The following ACVRL1 variants were observed in gnomAD, a reference collection of about 807,000 sequenced individuals.
ACVRL1 encodes the protein activin A receptor like type 1, also known as activin receptor type-1-like.
A neutral mutation model predicts 51.9 loss-of-function variants in ACVRL1; 20 were observed. The observed-to-expected ratio is 0.39, with a 90% CI of 0.27 to 0.56. ACVRL1 has a LOEUF of 0.56. ACVRL1 is among the 20% of genes least tolerant of loss of function. The pLI is 0.67. For synonymous variants in ACVRL1, 288 were observed against 280.9 expected (o/e 1.03, Z -0.25); for missense variants, 451 against 670.3 (o/e 0.67, Z 3.61).
Position 51,918,690 on chromosome 12 carries a change from G to A in ACVRL1, c.1247-295G>A, listed in dbSNP as rs964224828. On this transcript the variant is annotated intron_variant, in intron 8 of 9. Transcript: ENST00000388922. ...TCTCTGAGCATCAGTTTCTTCATCT[G>A]TAAAATGGAGGTAATACTAGTACCC... 4.6e-5 allele frequency among the ~76,000 whole-genome samples: 7 copies of A among 152,332 alleles called. 2 individuals carry two copies. The highest frequency in any genetic ancestry group is 4.6e-4 in the Admixed American group (7 of 15,300).
chr12:51,913,043 G>A, intron 2 of ACVRL1, 56 bp from the exon 3 acceptor site: 19 of 1,577,776 alleles, frequency 1.2e-5, no homozygotes, highest in Non-Finnish European at 1.6e-5. Context: ...ATGGGTGTCG[G>A]GCTCAGCCTG....
Position 51,914,693 on chromosome 12 carries a change from C to A in ACVRL1, c.772+108C>A, listed in dbSNP as rs528493079. On this transcript the variant is annotated intron_variant, in intron 6 of 9. Coordinates refer to ENST00000388922, the MANE Select transcript of ACVRL1 (RefSeq NM_000020.3). ...AACAGAACCCTGAAGGACTCTCAGCCCACCTGCAGCATCAACCTCTTTTTT... is the reference window on the plus strand; with the variant it reads ...AACAGAACCCTGAAGGACTCTCAGCACACCTGCAGCATCAACCTCTTTTTT... 107 of 931,764 alleles carry A rather than the reference C, an allele frequency of 1.1e-4. No homozygotes were observed. The African/African-American group carries it at 1.6e-3, about 14-fold the overall frequency. 57.7% of individuals were successfully genotyped at this position (931,764 alleles called of 1,614,324 possible). A position where few individuals can be genotyped will look rare whatever the true frequency, so the allele number is the denominator to read the frequency against.
intron 8 of ACVRL1, among the ~76,000 whole-genome samples, chr12:51,916,737 G>A (rs1940848548): frequency 6.6e-6 from 1 of 152,230 alleles, no homozygotes; most frequent in East Asian, 1.9e-4. Flanking sequence ...ACTTTGGGAG[G>A]CCGAGGCAGG....
In ACVRL1 at chr12:51,907,596, C is replaced by G. The variant is rs1592218496; in HGVS notation, c.-105C>G. ...GGGCCGCGCCCGGACCCCAGCCCGC[C>G]GTCCAGCGCTGGCGGTGCAACTGCG... On this transcript the variant is annotated 5_prime_UTR_variant, in exon 1 of 10. Transcript: ENST00000388922. The surrounding 1 kb of genome is among the most constrained non-coding windows in gnomAD (Gnocchi z 4.5). 1 of 152,040 alleles carries G rather than the reference C, an allele frequency of 6.6e-6. No homozygotes were observed. The highest frequency in any genetic ancestry group is 2.4e-5 in the African/African-American group (1 of 41,436). The allele number at this position is 152,040 out of a possible 1,614,324, so 9.4% of individuals were successfully genotyped here.
intron 9 of ACVRL1, among the ~76,000 whole-genome samples, chr12:51,919,910 C>T (rs1238068590): frequency 1.3e-5 from 2 of 152,216 alleles, no homozygotes; most frequent in Non-Finnish European, 2.9e-5. Flanking sequence ...GTGTCTTTTG[C>T]TCACCCTTAT....
chr12:51,916,610 A>G (rs1940846320), intron 8 of ACVRL1, among the ~76,000 whole-genome samples: 1 of 152,232 alleles, frequency 6.6e-6, no homozygotes, highest in Non-Finnish European at 1.5e-5. Context: ...TTGGAATCAG[A>G]CTTCCTGGGT....
intron 1 of ACVRL1, among the ~76,000 whole-genome samples, chr12:51,909,996 T>A (rs1480664567): frequency 6.6e-6 from 1 of 152,242 alleles, no homozygotes; most frequent in Non-Finnish European, 1.5e-5. Flanking sequence ...CCCAGGAGTC[T>A]GTCTGTGCTA....
In ACVRL1 at chr12:51,907,581, C is replaced by G. The variant is rs1275324005; in HGVS notation, c.-120C>G. Reference sequence around the variant, plus strand: ...CTCCAGCCCGGTCCGGGGCCGCGCCCGGACCCCAGCCCGCCGTCCAGCGCT... The same window carrying G: ...CTCCAGCCCGGTCCGGGGCCGCGCCGGGACCCCAGCCCGCCGTCCAGCGCT... On this transcript the variant is annotated 5_prime_UTR_variant, in exon 1 of 10. Transcript: ENST00000388922. This position sits in a 1 kb window ranked among gnomAD's most constrained non-coding sequence, Gnocchi z 4.5. The G allele has an allele frequency of 6.6e-6, 1 of 151,988 alleles. No homozygotes were observed. 9.4% of individuals were successfully genotyped at this position (151,988 alleles called of 1,614,324 possible). A position where few individuals can be genotyped will look rare whatever the true frequency, so the allele number is the denominator to read the frequency against.
At chr12:51,908,797 G>A (rs1425634637) in intron 1 of ACVRL1, among the ~76,000 whole-genome samples, 9 of 152,128 alleles carry the variant, frequency 5.9e-5, no homozygotes, top group Non-Finnish European at 1.2e-4. Flanking sequence ...TTTAAGTAAC[G>A]TCTCAAATTT....
Position 51,920,971 on chromosome 12 carries a change from G to A in ACVRL1, c.*78G>A. 2 of 1,468,194 alleles carry A rather than the reference G, an allele frequency of 1.4e-6. No individual in the cohort carries two copies. Among genetic ancestry groups the A allele is most frequent in the Non-Finnish European group, 1.8e-6 (2 of 1,082,652 alleles). The allele number at this position is 1,468,194 out of a possible 1,614,324, so 90.9% of individuals were successfully genotyped here. On this transcript the variant is annotated 3_prime_UTR_variant, in exon 10 of 10. Transcript: ENST00000388922. ...CAGTGGATGGTGCCCTATCTGGGTA[G>A]AGGTAGTGTGAGTGTGGTGTGTGCT...
chr12:51,915,226 C>T lies in ACVRL1; in HGVS notation c.774C>T (p.Gly258=). Residue 258 remains glycine (G), a splice_region_variant and synonymous_variant, in exon 7 of 10, where the codon GGC becomes GGT. Coordinates refer to ENST00000388922, the MANE Select transcript of ACVRL1 (RefSeq NM_000020.3). ...GTCACCCAACCTTTCTGCACACAGG[C>T]TTCATCGCCTCAGACATGACCTCCC... The part of the protein sequence containing the change: ...TVLLRHDNIL[G]FIASDMTSRN... The T allele has an allele frequency of 1.2e-6, 2 of 1,614,056 alleles. No homozygotes were observed. Among genetic ancestry groups the T allele is most frequent in the Non-Finnish European group, 1.7e-6 (2 of 1,180,038 alleles).
At position 51,920,806 on chromosome 12, in the gene ACVRL1, C is replaced by A; in HGVS notation, c.1425C>A (p.Asn475Lys). The change falls in exon 10 of 10, where the codon AAC (asparagine) becomes AAA (lysine). Residue 475 changes from asparagine to lysine, a missense_variant. Physicochemically the swap from Asn to Lys is moderately conservative, Grantham distance 94. Transcript: ENST00000388922. ...AQMMRECWYPNPSARLTALRI... is the reference protein window; with the variant it reads ...AQMMRECWYPKPSARLTALRI... ...TGATGCGGGAGTGCTGGTACCCAAA[C>A]CCCTCTGCCCGACTCACCGCGCTGC... 6.2e-7 allele frequency: 1 copy of A among 1,614,082 alleles called. No homozygotes were observed.
chr12:51,913,423 T>C (rs1940744479), intron 3 of ACVRL1, 73 bp downstream of exon 3: 3 of 1,326,152 alleles, frequency 2.3e-6, no homozygotes, highest in African/African-American at 3.0e-5. Flanking sequence ...TTTCCTCTCA[T>C]GCTCTGGCCA....
At chr12:51,915,980 C>G in intron 7 of ACVRL1, 56 bp from the exon 8 acceptor site, 1 of 1,572,514 alleles carries the variant, frequency 6.4e-7, no homozygotes, top group Non-Finnish European at 8.7e-7. Context: ...ACCTTGCCTG[C>G]CCCCTGGATC....
At chr12:51,912,255 C>T in intron 1 of ACVRL1, 1 of 639,674 alleles carries the variant, frequency 1.6e-6, no homozygotes. Context: ...TTGCTCTCCA[C>T]CCTTCACCTC....
At chr12:51,912,186 T>G in intron 1 of ACVRL1, 1 of 599,520 alleles carries the variant, frequency 1.7e-6, no homozygotes, top group Non-Finnish European at 3.0e-6. Context: ...GCCTGCAGTC[T>G]GAGCTCAGCA....
chr12:51,918,657 G>GC (rs1262997571), intron 8 of ACVRL1, among the ~76,000 whole-genome samples: 5 of 152,154 alleles, frequency 3.3e-5, no homozygotes, highest in Non-Finnish European at 7.4e-5. Context: ...GGAACCTTGG[G>GC]CCCCCCTTCT....
intron 9 of ACVRL1, among the ~76,000 whole-genome samples, chr12:51,919,927 A>G (rs1940930539): frequency 6.6e-6 from 1 of 152,206 alleles, no homozygotes; most frequent in East Asian, 1.9e-4. Flanking sequence ...TTATGTCCCT[A>G]TTACCTATCA....
chr12:51,914,295 T>G, intron 5 of ACVRL1, 144 bp from the exon 6 acceptor site: 1 of 1,348,802 alleles, frequency 7.4e-7, no homozygotes, highest in Non-Finnish European at 1.0e-6. Flanking sequence ...GCCACTGGGT[T>G]TGGGTCTGGA....
Sources: gnomAD v4.1 joint callset for allele counts (sites outside exome capture counted in the v4.1 genomes callset) on GRCh38, gnomAD v4.1.1 for gene constraint, Gnocchi (gnomAD v3.1) non-coding constraint, MANE v1.5 for transcripts, NCBI Gene and HGNC (gene_info 2026-07-23, HGNC 2026-07-21) for gene names.